The following RBFOX3 variants were observed in gnomAD, a reference collection of about 807,000 sequenced individuals.
RBFOX3 encodes RNA binding protein fox-1 homolog 3.
RBFOX3 carries 17 observed loss-of-function variants against 48.7 expected under a neutral mutation model. That is an observed-to-expected ratio of 0.35 (90% confidence interval 0.24 to 0.52). The LOEUF is 0.52. RBFOX3 is among the 20% of genes least tolerant of loss of function. The pLI is 0.94. For missense variants in RBFOX3, 382 were observed against 497.5 expected, an observed-to-expected ratio of 0.77 and a Z score of 2.21; for synonymous variants, 212 against 209.5, an observed-to-expected ratio of 1.01 and a Z score of -0.10.
At chr17:79,116,054 A>C (rs1302687609) in intron 4 of RBFOX3, among the ~76,000 whole-genome samples, 1 of 152,194 alleles carries the variant, frequency 6.6e-6, no homozygotes, top group African/African-American at 2.4e-5. Flanking sequence ...GATTTTAAAA[A>C]AATTAACCAT....
intron 8 of RBFOX3, among the ~76,000 whole-genome samples, 181 bp from the exon 9 acceptor site, chr17:79,101,825 G>A (rs1311043309): frequency 6.6e-6 from 1 of 151,648 alleles, no homozygotes; most frequent in Non-Finnish European, 1.5e-5. Context: ...ACGGGCTAAA[G>A]CCCCGCCTGG....
intron 2 of RBFOX3, among the ~76,000 whole-genome samples, chr17:79,337,557 C>T (rs2081387619): frequency 6.6e-6 from 1 of 152,244 alleles, no homozygotes; most frequent in Admixed American, 6.5e-5. Context: ...GAGCAGATCA[C>T]TTGAAGTTAG....
chr17:79,372,526 G>A (rs968758590), intron 2 of RBFOX3, among the ~76,000 whole-genome samples: 2 of 151,648 alleles, frequency 1.3e-5, no homozygotes, highest in Middle Eastern at 3.4e-3. Flanking sequence ...GGCCTGGCCC[G>A]GGCTCCCACC....
intron 2 of RBFOX3, among the ~76,000 whole-genome samples, chr17:79,411,804 G>C (rs2064385868): frequency 6.6e-6 from 1 of 152,256 alleles, no homozygotes; most frequent in Non-Finnish European, 1.5e-5. Context: ...AGCACTCAGG[G>C]GACGTTTGCT....
chr17:79,634,173 G>A, the RBFOX3 span, among the ~76,000 whole-genome samples: 5 of 152,144 alleles, frequency 3.3e-5, no homozygotes, highest in Admixed American at 6.5e-5. Flanking sequence ...CTTCCCAGAC[G>A]CCACCCTCAC....
chr17:79,526,839 A>G (rs1406086420), intron 1 of RBFOX3, among the ~76,000 whole-genome samples: 16 of 152,332 alleles, frequency 1.1e-4, no homozygotes, highest in African/African-American at 3.6e-4. Flanking sequence ...GGGTGAGGGA[A>G]CTGAGTGTAT....
chr17:79,628,827 A>G, the RBFOX3 span, among the ~76,000 whole-genome samples: 2 of 152,246 alleles, frequency 1.3e-5, no homozygotes, highest in East Asian at 3.9e-4. Flanking sequence ...TTCTTCTATT[A>G]TTCTTGTTTC....
intron 2 of RBFOX3, among the ~76,000 whole-genome samples, chr17:79,476,110 C>A (rs1471286915): frequency 6.6e-6 from 1 of 152,364 alleles, no homozygotes; most frequent in South Asian, 2.1e-4. Flanking sequence ...GCCCTGCTGG[C>A]TCCTCTCCTT....
intron 4 of RBFOX3, among the ~76,000 whole-genome samples, chr17:79,186,502 C>G (rs555249436): frequency 1.3e-5 from 2 of 152,182 alleles, no homozygotes; most frequent in African/African-American, 2.4e-5. Context: ...TTTTCAGATT[C>G]TCCAGGCCCC....
intron 1 of RBFOX3, among the ~76,000 whole-genome samples, chr17:79,511,291 G>T (rs1196728196): frequency 2.0e-5 from 3 of 152,182 alleles, no homozygotes; most frequent in African/African-American, 7.2e-5. Flanking sequence ...CAGTGTCGTG[G>T]GGTGTCATGC....
chr17:79,494,774 C>T (rs1038679879), intron 1 of RBFOX3, among the ~76,000 whole-genome samples: 1 of 152,168 alleles, frequency 6.6e-6, no homozygotes, highest in African/African-American at 2.4e-5. Context: ...AAGGACTGAA[C>T]CCAACCCTGC....
rs897628112 is a variant in RBFOX3, at chr17:79,598,252, C to T, written c.-320+12574G>A. The T allele has an allele frequency of 6.1e-3, 930 of 152,464 alleles. 4 individuals carry two copies. Among genetic ancestry groups the T allele is most frequent in the Non-Finnish European group, 0.01 (706 of 68,114 alleles). The allele number at this position is 152,464 out of a possible 1,614,324, so 9.4% of individuals were successfully genotyped here. ...CACACGTGGCCAGTACAAAAGAGCA[C>T]TCCAGGAGGAAGGTGGTGGCAATGC... On this transcript the variant is annotated intron_variant, in intron 1 of 14. Coordinates refer to ENST00000693108, the MANE Select transcript of RBFOX3 (RefSeq NM_001350451.2).
chr17:79,168,989 A>G (rs1005037044), intron 4 of RBFOX3, among the ~76,000 whole-genome samples: 1 of 152,170 alleles, frequency 6.6e-6, no homozygotes. Context: ...CACCCTTGGA[A>G]ACAACCAGCA....
Position 79,489,240 on chromosome 17 carries a change from T to TTA in RBFOX3, c.-319-6643_-319-6642insTA, listed in dbSNP as rs782251226. Among the ~76,000 whole-genome samples the TTA allele has an allele frequency of 8.7e-4, 110 of 126,490 alleles. 1 individual carries two copies. Among genetic ancestry groups the TTA allele is most frequent in the African/African-American group, 3.2e-3 (107 of 33,268 alleles). The allele number at this position is 126,490 out of a possible 152,430, so 83.0% of individuals were successfully genotyped here. On this transcript the variant is annotated intron_variant, in intron 1 of 14. Coordinates refer to ENST00000693108, the MANE Select transcript of RBFOX3 (RefSeq NM_001350451.2). The stretch of plus-strand genomic sequence containing the variant: ...TAGCCTTCTAGTCCTGCCAGAAAGT[T>TTA]AAAAAAAAAAAAAAAAAAAAAAGAA...
chr17:79,369,908 C>T (rs1190710444), intron 2 of RBFOX3, among the ~76,000 whole-genome samples: 1 of 152,186 alleles, frequency 6.6e-6, no homozygotes, highest in Non-Finnish European at 1.5e-5. Context: ...ATTCCAGCTA[C>T]GTCGGTGCAG....
intron 4 of RBFOX3, among the ~76,000 whole-genome samples, chr17:79,139,520 C>G (rs1357183099): frequency 1.3e-5 from 2 of 152,222 alleles, no homozygotes; most frequent in East Asian, 3.9e-4. Context: ...TTCATCTTCT[C>G]CTGCTGACCG....
At chr17:79,094,965 T>G (rs1488257584) in intron 13 of RBFOX3, among the ~76,000 whole-genome samples, 2 of 152,068 alleles carry the variant, frequency 1.3e-5, no homozygotes, top group African/African-American at 4.8e-5. Flanking sequence ...GACACTTGTG[T>G]CCCTCACGAC....
the RBFOX3 span, among the ~76,000 whole-genome samples, chr17:79,659,585 G>A: frequency 6.6e-6 from 1 of 152,080 alleles, no homozygotes; most frequent in South Asian, 2.1e-4. Flanking sequence ...ATACATCAGA[G>A]CCACACCCCA....
intron 3 of RBFOX3, among the ~76,000 whole-genome samples, chr17:79,293,275 A>T (rs2073690778): frequency 6.6e-6 from 1 of 152,066 alleles, no homozygotes; most frequent in Admixed American, 6.6e-5. Flanking sequence ...CAAGTTACTC[A>T]TCTGCTGCTC....
Sources: gnomAD v4.1 joint callset for allele counts (sites outside exome capture counted in the v4.1 genomes callset) on GRCh38, gnomAD v4.1.1 for gene constraint, MANE v1.5 for transcripts, NCBI Gene and HGNC (gene_info 2026-07-23, HGNC 2026-07-21) for gene names.